DHX29: variants seen among roughly 807,000 people sequenced by gnomAD.
The protein encoded by DHX29 is ATP-dependent RNA helicase DHX29.
In DHX29, 79 loss-of-function variants were observed where a neutral mutation model predicts 167.9. The observed-to-expected ratio is 0.47, with a 90% CI of 0.39 to 0.57. The LOEUF (loss-of-function observed/expected upper bound fraction) is 0.57, where lower values mean the gene tolerates loss of function less well. Among genes scored for constraint, DHX29 ranks in the 20% least tolerant of loss-of-function variants. The pLI is 0.00. For synonymous variants in DHX29, 530 were observed against 546.0 expected (o/e 0.97, Z 0.41); for missense variants, 1,347 against 1,593.4 (o/e 0.85, Z 2.63).
chr5:55,292,142 A>G (rs1748079656), intron 6 of DHX29, among the ~76,000 whole-genome samples: 1 of 152,192 alleles, frequency 6.6e-6, no homozygotes, highest in South Asian at 2.1e-4. Flanking sequence ...TCCCACCAAC[A>G]GTACACAGGG....
chr5:55,262,834 G>C lies in DHX29; in HGVS notation c.3624C>G (p.Leu1208=), dbSNP rs1371068419. The C allele has an allele frequency of 2.5e-6, 4 of 1,614,004 alleles. No homozygotes were observed. The highest frequency in any genetic ancestry group is 3.4e-6 in the Non-Finnish European group (4 of 1,179,988). ...TAAGAAGGGCAATTTCTTGGAATGA[G>C]AGGGTCTGTGAGGCTCTGTTTCCTT... The part of the protein sequence containing the change: ...SWEGNRASQT[L]SFQEIALLKA... The change falls in exon 24 of 27, where the codon CTC becomes CTG. Residue 1208 remains leucine, a synonymous_variant. Coordinates refer to ENST00000251636, the MANE Select transcript of DHX29 (RefSeq NM_019030.4).
chr5:55,275,083 G>C, intron 14 of DHX29, 73 bp from the exon 15 acceptor site: 1 of 1,520,192 alleles, frequency 6.6e-7, no homozygotes, highest in East Asian at 2.3e-5. Context: ...AGGAAAAAAG[G>C]CGGTATTTGC....
At chr5:55,307,290 T>C in intron 1 of DHX29, 97 bp downstream of exon 1, 1 of 1,029,604 alleles carries the variant, frequency 9.7e-7, no homozygotes, top group Non-Finnish European at 1.4e-6. Context: ...AATAGAAATG[T>C]TGGGCCCGAA....
rs1251184732 is a variant in DHX29, at chr5:55,281,625, G to A, written c.1966-110C>T. ...CTTGCTGTTAAATGGAGCATTGTAA[G>A]TAATCTAGTACAATTTATTATATTA... On this transcript the variant is annotated intron_variant, in intron 11 of 26. Transcript: ENST00000251636. 6.3e-6 allele frequency: 4 copies of A among 637,316 alleles called. No homozygotes were observed. In the East Asian group the frequency reaches 1.2e-4, roughly 20 times the overall value. The allele number at this position is 637,316 out of a possible 1,614,324, so 39.5% of individuals were successfully genotyped here. A position where few individuals can be genotyped will look rare whatever the true frequency, so the allele number is the denominator to read the frequency against.
intron 8 of DHX29, among the ~76,000 whole-genome samples, chr5:55,288,946 T>C (rs1747889146): frequency 6.6e-6 from 1 of 152,216 alleles, no homozygotes; most frequent in African/African-American, 2.4e-5. Context: ...TTTGGACTTG[T>C]TACTGATGTC....
chr5:55,267,987 AATATAAAATATTCTAT>A (rs1746667632), intron 21 of DHX29, among the ~76,000 whole-genome samples, 165 bp from the exon 22 acceptor site: 1 of 152,172 alleles, frequency 6.6e-6, no homozygotes, highest in African/African-American at 2.4e-5. Context: ...ATTAATGTTT[AATATAAAATATTCTAT>A]AGCTAACTTA....
chr5:55,257,274 C>A (rs1193949821), intron 26 of DHX29, among the ~76,000 whole-genome samples: 1 of 152,152 alleles, frequency 6.6e-6, no homozygotes, highest in East Asian at 1.9e-4. Context: ...TGAAATTCTA[C>A]ATTTACGTTA....
intron 7 of DHX29, among the ~76,000 whole-genome samples, 179 bp downstream of exon 7, chr5:55,290,039 G>A (rs1432580498): frequency 1.3e-5 from 2 of 152,124 alleles, no homozygotes; most frequent in African/African-American, 4.8e-5. Context: ...TTGTAACAGA[G>A]GCTGTATGGC....
At position 55,283,801 on chromosome 5, in the gene DHX29, T is replaced by C; in HGVS notation, c.1367A>G (p.Gln456Arg). 6.3e-7 allele frequency: 1 copy of C among 1,588,676 alleles called. No homozygotes were observed. The highest frequency in any genetic ancestry group is 8.5e-7 in the Non-Finnish European group (1 of 1,170,740). The change falls in exon 11 of 27, where the codon CAG (glutamine) becomes CGG (arginine). Residue 456 changes from glutamine (Q) to arginine (R), a missense_variant. Physicochemically the swap from Gln to Arg is conservative, Grantham distance 43. Coordinates refer to ENST00000251636, the MANE Select transcript of DHX29 (RefSeq NM_019030.4). ...ATCTCGGTAAGTGGGAGGAAGTAAC[T>C]GATGAACTGACTAAAGGAAAAACAG... ...YRLVKGQSVHQLLPPTYRDVW... is the reference protein window; with the variant it reads ...YRLVKGQSVHRLLPPTYRDVW...
chr5:55,265,386 A>C (rs1160967431), intron 23 of DHX29, among the ~76,000 whole-genome samples: 1 of 152,008 alleles, frequency 6.6e-6, no homozygotes, highest in Non-Finnish European at 1.5e-5. Context: ...AGAAAAAAAA[A>C]AAACAAAGAT....
At chr5:55,282,460 T>C (rs1006590885) in intron 11 of DHX29, among the ~76,000 whole-genome samples, 3 of 152,202 alleles carry the variant, frequency 2.0e-5, no homozygotes, top group Admixed American at 6.5e-5. Flanking sequence ...TTTCCTCCTC[T>C]ATTCCATGAC....
At chr5:55,262,531 T>G in intron 24 of DHX29, 99 bp downstream of exon 24, 3 of 1,436,544 alleles carry the variant, frequency 2.1e-6, no homozygotes, top group Non-Finnish European at 1.9e-6. Context: ...TAGCTCAATT[T>G]GAGAACCAAA....
At chr5:55,269,788 A>C in intron 20 of DHX29, 151 bp from the exon 21 acceptor site, 146 of 516,042 alleles carry the variant, frequency 2.8e-4, no homozygotes, top group East Asian at 3.8e-4. Context: ...TTTTTTTATA[A>C]TGGGGGTAGA....
intron 6 of DHX29, among the ~76,000 whole-genome samples, chr5:55,292,228 A>C (rs1355062772): frequency 6.6e-6 from 1 of 152,174 alleles, no homozygotes; most frequent in Non-Finnish European, 1.5e-5. Context: ...AACGGGTGTG[A>C]AATGGTATGC....
intron 23 of DHX29, among the ~76,000 whole-genome samples, chr5:55,265,520 C>T (rs1207623405): frequency 6.6e-6 from 1 of 152,028 alleles, no homozygotes; most frequent in African/African-American, 2.4e-5. Context: ...GGAAACTCTA[C>T]AGGACAATGT....
Position 55,295,439 on chromosome 5 carries a change from G to A in DHX29, c.591C>T (p.Ala197=). Residue 197 remains alanine, a synonymous_variant, in exon 5 of 27, where the codon GCC becomes GCT. Transcript: ENST00000251636. ...RPKFQSPQIQ[A]TISPPLQPKT... ...TAGGTTGCAATGGAGGTGAAATAGTGGCTTGTATTTGAGGAGACTGAAATT... is the reference window on the plus strand; with the variant it reads ...TAGGTTGCAATGGAGGTGAAATAGTAGCTTGTATTTGAGGAGACTGAAATT... The A allele has an allele frequency of 6.2e-7, 1 of 1,613,486 alleles. No homozygotes were observed. Among genetic ancestry groups the A allele is most frequent in the South Asian group, 1.1e-5 (1 of 91,064 alleles).
In DHX29 at chr5:55,272,072, G is replaced by A; in HGVS notation, c.2864+15C>T. The A allele has an allele frequency of 6.8e-7, 1 of 1,462,520 alleles. No homozygotes were observed. Among genetic ancestry groups the A allele is most frequent in the Non-Finnish European group, 9.4e-7 (1 of 1,064,642 alleles). 90.6% of individuals were successfully genotyped at this position (1,462,520 alleles called of 1,614,324 possible). A position where few individuals can be genotyped will look rare whatever the true frequency, so the allele number is the denominator to read the frequency against. ...CCAGGTTAAAAATGTTTTGATTTGGGAAATTTAAACTTACTTATTTTCTTT... is the reference window on the plus strand; with the variant it reads ...CCAGGTTAAAAATGTTTTGATTTGGAAAATTTAAACTTACTTATTTTCTTT... On this transcript the variant is annotated intron_variant, in intron 18 of 26. Coordinates refer to ENST00000251636, the MANE Select transcript of DHX29 (RefSeq NM_019030.4).
chr5:55,283,136 G>T, intron 11 of DHX29, 67 bp downstream of exon 11: 1 of 1,502,368 alleles, frequency 6.7e-7, no homozygotes, highest in Non-Finnish European at 8.9e-7. Flanking sequence ...CATTCCATTT[G>T]GATCACAAAA....
intron 1 of DHX29, among the ~76,000 whole-genome samples, chr5:55,300,662 G>A (rs1024322660): frequency 3.9e-5 from 6 of 152,100 alleles, no homozygotes; most frequent in Non-Finnish European, 8.8e-5. Flanking sequence ...GACAGAGCGA[G>A]ACTCTGTCTC....
Sources: gnomAD v4.1 joint callset for allele counts (sites outside exome capture counted in the v4.1 genomes callset) on GRCh38, gnomAD v4.1.1 for gene constraint, MANE v1.5 for transcripts, NCBI Gene and HGNC (gene_info 2026-07-23, HGNC 2026-07-21) for gene names.